The following MDM4 variants were observed in gnomAD, a reference collection of about 807,000 sequenced individuals.
MDM4 encodes the protein MDM4 regulator of p53.
MDM4 carries 2 observed loss-of-function variants against 60.2 expected under a neutral mutation model. That is an observed-to-expected ratio of 0.03 (90% CI 0.01 to 0.10). The LOEUF (loss-of-function observed/expected upper bound fraction) is 0.10. Among genes scored for constraint, MDM4 ranks in the 10% least tolerant of loss-of-function variants. The pLI, the probability that MDM4 is intolerant of heterozygous loss-of-function variation, is 1.00. For missense variants in MDM4, 447 were observed against 577.5 expected, an observed-to-expected ratio of 0.77 and a Z score of 2.32; for synonymous variants, 202 against 198.1, an observed-to-expected ratio of 1.02 and a Z score of -0.17.
Position 204,528,892 on chromosome 1 carries a change from G to A in MDM4, c.154-1792G>A, listed in dbSNP as rs934390591. 67 of 1,593,690 alleles carry A rather than the reference G, an allele frequency of 4.2e-5. 1 individual carries two copies. The Admixed American group carries it at 7.5e-4, about 18-fold the overall frequency. On this transcript the variant is annotated intron_variant, in intron 3 of 10. Transcript: ENST00000367182. ...GTGACGACGTCCTTGAAGCTGAGCC[G>A]AATGTTGCCTTGTACAGCTGTGTCC...
chr1:204,533,454 T>C (rs565689516), intron 5 of MDM4, among the ~76,000 whole-genome samples: 23 of 152,312 alleles, frequency 1.5e-4, no homozygotes, highest in African/African-American at 4.6e-4. Flanking sequence ...CCTCTCGGGC[T>C]CAGGTGATTC....
chr1:204,542,285 G>A (rs1662173386), intron 7 of MDM4, among the ~76,000 whole-genome samples: 1 of 152,220 alleles, frequency 6.6e-6, no homozygotes, highest in Non-Finnish European at 1.5e-5. Context: ...GGACAACCTT[G>A]TGATCACCTA....
At chr1:204,541,651 C>T (rs1221607263) in intron 7 of MDM4, among the ~76,000 whole-genome samples, 1 of 152,094 alleles carries the variant, frequency 6.6e-6, no homozygotes, top group African/African-American at 2.4e-5. Context: ...TCATTTCCTT[C>T]ATAAGTTGTA....
intron 1 of MDM4, among the ~76,000 whole-genome samples, chr1:204,520,415 A>G (rs1659457932): frequency 6.6e-6 from 1 of 151,222 alleles, no homozygotes; most frequent in Admixed American, 6.6e-5. Context: ...AACTAAAAAT[A>G]CTTTTTAGGA....
rs973655045 is a variant in MDM4 at position 204,553,038 on chromosome 1, G to C, written c.*3356G>C. 1.2e-5 allele frequency: 2 copies of C among 166,168 alleles called. No individual in the cohort carries two copies. The highest frequency in any genetic ancestry group is 4.8e-5 in the African/African-American group (2 of 41,754). The allele number at this position is 166,168 out of a possible 1,614,324, so 10.3% of individuals were successfully genotyped here. ...TTACAGGTGTGCACCACCATGTCTGGCTAATTTTGTATTTTTAGTAGAGAT... is the reference window on the plus strand; with the variant it reads ...TTACAGGTGTGCACCACCATGTCTGCCTAATTTTGTATTTTTAGTAGAGAT... On this transcript the variant is annotated 3_prime_UTR_variant, in exon 11 of 11. Coordinates refer to ENST00000367182, the MANE Select transcript of MDM4 (RefSeq NM_002393.5).
At chr1:204,545,750 CT>C (rs935275242) in intron 9 of MDM4, among the ~76,000 whole-genome samples, 1 of 152,090 alleles carries the variant, frequency 6.6e-6, no homozygotes, top group Non-Finnish European at 1.5e-5. Flanking sequence ...TGGTCTTAAA[CT>C]TCTTAGCTCA....
intron 3 of MDM4, among the ~76,000 whole-genome samples, chr1:204,527,124 G>C (rs1660273668): frequency 1.9e-5 from 2 of 103,656 alleles, no homozygotes; most frequent in South Asian, 6.9e-4. Context: ...ATGAAACCCT[G>C]TCTCTAAAAA....
rs60881627 is a variant in MDM4 at position 204,550,688 on chromosome 1, C to CTA, written c.*1008_*1009dup. 0.087 allele frequency: 15,169 copies of CTA among 174,648 alleles called. 1,940 individuals are homozygous for CTA. Among genetic ancestry groups the CTA allele is most frequent in the African/African-American group, 0.29 (12,074 of 41,706 alleles). 10.8% of individuals were successfully genotyped at this position (174,648 alleles called of 1,614,324 possible). A position where few individuals can be genotyped will look rare whatever the true frequency, so the allele number is the denominator to read the frequency against. ...CCTCAGCTTCCCTCACAGGCATTCA[C>CTA]TATCACTCCCAGCTAATTAAAATAA... is the stretch of plus-strand genomic sequence containing the variant. On this transcript the variant is annotated 3_prime_UTR_variant, in exon 11 of 11. Coordinates refer to ENST00000367182, the MANE Select transcript of MDM4 (RefSeq NM_002393.5).
intron 1 of MDM4, among the ~76,000 whole-genome samples, chr1:204,522,587 G>A (rs556898745): frequency 2.5e-4 from 38 of 151,644 alleles, no homozygotes; most frequent in African/African-American, 8.7e-4. Context: ...TAGTAGAGAC[G>A]GTTTCACCAT....
chr1:204,536,831 G>A, intron 5 of MDM4: 1 of 217,752 alleles, frequency 4.6e-6, no homozygotes. Flanking sequence ...TATAGTAACT[G>A]GGAAAAATAA....
rs1288572160 is a variant in MDM4 at position 204,551,798 on chromosome 1, A to C, written c.*2116A>C. On this transcript the variant is annotated 3_prime_UTR_variant, in exon 11 of 11. Coordinates refer to ENST00000367182, the MANE Select transcript of MDM4 (RefSeq NM_002393.5). The stretch of plus-strand genomic sequence containing the variant: ...GAGACTGATCTTTGAGATCTGGACC[A>C]GGAATTTGCATTTGAACAAGTGTTC... 8.9e-6 allele frequency: 2 copies of C among 224,002 alleles called. No individual in the cohort carries two copies. The highest frequency in any genetic ancestry group is 1.8e-5 in the Non-Finnish European group (2 of 112,442). The allele number at this position is 224,002 out of a possible 1,614,324, so 13.9% of individuals were successfully genotyped here. A position where few individuals can be genotyped will look rare whatever the true frequency, so the allele number is the denominator to read the frequency against.
At chr1:204,521,872 G>A (rs1300095597) in intron 1 of MDM4, among the ~76,000 whole-genome samples, 1 of 152,182 alleles carries the variant, frequency 6.6e-6, no homozygotes, top group Non-Finnish European at 1.5e-5. Context: ...ATTAAAATAT[G>A]TAGTGTTTTG....
intron 5 of MDM4, 43 bp downstream of exon 5, chr1:204,532,289 G>A (rs748196252): frequency 8.0e-6 from 10 of 1,243,118 alleles, no homozygotes; most frequent in African/African-American, 1.5e-5. Flanking sequence ...ACAGCTTTGA[G>A]TTCAAGGGGG....
rs1202317431 is a variant in MDM4, at chr1:204,525,543, C to G, written c.25C>G (p.Gln9Glu). The G allele has an allele frequency of 3.7e-6, 6 of 1,612,070 alleles. No individual in the cohort carries two copies. The highest frequency in any genetic ancestry group is 1.3e-5 in the African/African-American group (1 of 74,912). ...AATGACATCATTTTCCACCTCTGCT[C>G]AGTGTTCAACATCTGACAGTGCTTG... is the stretch of plus-strand genomic sequence containing the variant. Reference protein sequence around the residue: MTSFSTSAQCSTSDSACRI... With the variant: MTSFSTSAECSTSDSACRI... Residue 9 changes from glutamine (Q) to glutamate (E), a missense_variant, in exon 2 of 11, where the codon CAG (glutamine) becomes GAG (glutamate). By Grantham distance (29) the Gln-to-Glu change is conservative. Transcript: ENST00000367182.
In MDM4 at chr1:204,552,890, C is replaced by CTTTTTTTTTTTTTTTTTTTTTTT. The variant is rs1558343413; in HGVS notation, c.*3210_*3211insTTTTTTTTTTTTTTTTTTTTTTT. The stretch of plus-strand genomic sequence containing the variant: ...TTCTTTTCTTTTTTTTTTTTTTTTA[C>CTTTTTTTTTTTTTTTTTTTTTTT]TTGAGATGGAGTTTTGCTCTTGTCG... On this transcript the variant is annotated 3_prime_UTR_variant, in exon 11 of 11. Transcript: ENST00000367182. The CTTTTTTTTTTTTTTTTTTTTTTT allele has an allele frequency of 6.9e-6, 1 of 145,942 alleles. No homozygotes were observed. The allele number at this position is 145,942 out of a possible 1,614,324, so 9.0% of individuals were successfully genotyped here.
At chr1:204,526,518 C>A in intron 3 of MDM4, 84 bp downstream of exon 3, 2 of 979,740 alleles carry the variant, frequency 2.0e-6, no homozygotes, top group Non-Finnish European at 3.0e-6. Flanking sequence ...GGCTGGAGTG[C>A]AGTGGTGCGA....
chr1:204,535,603 G>A (rs894239048), intron 5 of MDM4, among the ~76,000 whole-genome samples: 2 of 151,916 alleles, frequency 1.3e-5, no homozygotes, highest in Non-Finnish European at 2.9e-5. Context: ...GTGCGATCTC[G>A]GCTCACTGCA....
intron 5 of MDM4, among the ~76,000 whole-genome samples, chr1:204,535,597 G>A (rs1367854416): frequency 1.3e-5 from 2 of 151,926 alleles, no homozygotes; most frequent in Non-Finnish European, 2.9e-5. Flanking sequence ...GCAGTGGTGC[G>A]ATCTCGGCTC....
intron 10 of MDM4, 82 bp downstream of exon 10, chr1:204,546,959 G>C (rs1662728323): frequency 1.2e-6 from 1 of 841,640 alleles, no homozygotes; most frequent in Non-Finnish European, 1.9e-6. Context: ...GTGTTGAAGA[G>C]TGCTGTTTAC....
Sources: allele counts gnomAD v4.1 joint callset (sites outside exome capture counted in the v4.1 genomes callset), GRCh38; gene constraint gnomAD v4.1.1; transcripts MANE v1.5; gene names NCBI Gene and HGNC (gene_info 2026-07-23, HGNC 2026-07-21).